Variants in DAB1 observed in about 807,000 individuals in gnomAD.
DAB1 encodes the protein DAB adaptor protein 1.
Under a neutral mutation model 64.6 loss-of-function variants are expected in DAB1, and 15 were observed. The ratio of observed to expected loss-of-function variants is 0.23; its 90% CI spans 0.16 to 0.36. DAB1 has a LOEUF of 0.36. Ranked by LOEUF, DAB1 falls within the 10% of genes least tolerant of loss-of-function variation. The pLI, the probability that DAB1 is intolerant of heterozygous loss-of-function variation, is 1.00. For missense variants in DAB1, 596 were observed against 706.7 expected (o/e 0.84, Z 1.78); for synonymous variants, 235 against 251.9 (o/e 0.93, Z 0.64).
upstream of DAB1, among the ~76,000 whole-genome samples, chr1:57,887,912 G>A (rs1193214187): frequency 6.6e-6 from 1 of 152,180 alleles, no homozygotes; most frequent in African/African-American, 2.4e-5. Context: ...AAATGTGCGG[G>A]TGTCTCAGGA....
intron 2 of DAB1, among the ~76,000 whole-genome samples, chr1:57,227,254 G>A (rs1001576462): frequency 1.3e-5 from 2 of 152,106 alleles, no homozygotes; most frequent in Non-Finnish European, 2.9e-5. Flanking sequence ...GATTTTAAAA[G>A]TATAGACTCA....
At chr1:57,758,407 G>T (rs1020184033) in intron 6 of DAB1, among the ~76,000 whole-genome samples, 1 of 152,190 alleles carries the variant, frequency 6.6e-6, no homozygotes, top group East Asian at 1.9e-4. Context: ...TTGGGGAAAA[G>T]AAGTAGTGAA....
intron 8 of DAB1, among the ~76,000 whole-genome samples, chr1:57,067,619 G>A (rs1205165624): frequency 3.9e-5 from 6 of 152,048 alleles, no homozygotes; most frequent in African/African-American, 9.7e-5. Flanking sequence ...AAGCTAACCT[G>A]CTTCTCTAAA....
At chr1:57,289,853 C>T (rs1251258470) in intron 2 of DAB1, among the ~76,000 whole-genome samples, 1 of 152,012 alleles carries the variant, frequency 6.6e-6, no homozygotes, top group Non-Finnish European at 1.5e-5. Flanking sequence ...GGAGAAAACA[C>T]ACACACACAG....
At chr1:57,455,691 A>C (rs1686562354) in intron 7 of DAB1, among the ~76,000 whole-genome samples, 1 of 152,146 alleles carries the variant, frequency 6.6e-6, no homozygotes, top group African/African-American at 2.4e-5. Flanking sequence ...TGCCGTAGCC[A>C]GCTAAATTGG....
chr1:57,003,557 C>T (rs2100223367), intron 14 of DAB1, among the ~76,000 whole-genome samples: 1 of 152,138 alleles, frequency 6.6e-6, no homozygotes, highest in Admixed American at 6.5e-5. Context: ...TAACCTTTGC[C>T]ATTTTAACCA....
At chr1:58,126,196 G>T (rs1050866376) in intron 5 of DAB1, among the ~76,000 whole-genome samples, 1 of 152,180 alleles carries the variant, frequency 6.6e-6, no homozygotes, top group Non-Finnish European at 1.5e-5. Flanking sequence ...TGGCATGGCT[G>T]CCCTGCTGTA....
intron 7 of DAB1, among the ~76,000 whole-genome samples, chr1:57,592,181 G>A (rs1645453068): frequency 6.6e-6 from 1 of 152,174 alleles, no homozygotes; most frequent in African/African-American, 2.4e-5. Flanking sequence ...AAATGGAAAA[G>A]AAGGACTCTG....
chr1:57,478,807 T>G (rs1332414819), intron 7 of DAB1, among the ~76,000 whole-genome samples: 2 of 151,692 alleles, frequency 1.3e-5, no homozygotes, highest in Non-Finnish European at 2.9e-5. Flanking sequence ...TCACCATGTG[T>G]GCCAGGCTTG....
intron 4 of DAB1, among the ~76,000 whole-genome samples, chr1:58,221,165 T>C (rs1659152045): frequency 6.6e-6 from 1 of 152,056 alleles, no homozygotes. Context: ...TCTTTTCTTT[T>C]TTCTCCAAGT....
intron 7 of DAB1, among the ~76,000 whole-genome samples, chr1:57,602,908 AG>A (rs1000428425): frequency 7.2e-5 from 11 of 152,218 alleles, no homozygotes; most frequent in African/African-American, 2.6e-4. Flanking sequence ...TTCCAAATAG[AG>A]GGGGCATGAG....
At chr1:58,364,157 T>C (rs1569687535) in intron 3 of DAB1, among the ~76,000 whole-genome samples, 1 of 152,188 alleles carries the variant, frequency 6.6e-6, no homozygotes, top group African/African-American at 2.4e-5. Flanking sequence ...TACACTGCTG[T>C]GTCATGCTGG....
intron 7 of DAB1, among the ~76,000 whole-genome samples, chr1:57,548,054 T>C (rs1644875113): frequency 6.6e-6 from 1 of 152,176 alleles, no homozygotes; most frequent in Non-Finnish European, 1.5e-5. Context: ...TCTTCTTATA[T>C]CATTGCCTAT....
intron 2 of DAB1, among the ~76,000 whole-genome samples, chr1:57,219,572 T>C (rs906150653): frequency 2.0e-5 from 3 of 152,206 alleles, no homozygotes; most frequent in African/African-American, 7.2e-5. Flanking sequence ...AAATGGTGGA[T>C]GGTCACCTCC....
intron 6 of DAB1, among the ~76,000 whole-genome samples, chr1:57,741,149 T>C (rs1265489384): frequency 6.6e-6 from 1 of 152,162 alleles, no homozygotes; most frequent in Non-Finnish European, 1.5e-5. Flanking sequence ...TCATGCTGAG[T>C]GCTCCTTGGC....
At chr1:57,331,238 T>C (rs1215269311) in intron 1 of DAB1, among the ~76,000 whole-genome samples, 4 of 152,240 alleles carry the variant, frequency 2.6e-5, no homozygotes, top group Non-Finnish European at 5.9e-5. Flanking sequence ...ACAGCTAACA[T>C]GCAATTGGTG....
intron 4 of DAB1, among the ~76,000 whole-genome samples, chr1:58,174,909 T>C (rs535596277): frequency 6.6e-6 from 1 of 152,220 alleles, no homozygotes; most frequent in African/African-American, 2.4e-5. Context: ...ATCAGCACTC[T>C]GTACAAATGC....
At chr1:57,716,879 A>G (rs967607685) in intron 6 of DAB1, among the ~76,000 whole-genome samples, 6 of 152,302 alleles carry the variant, frequency 3.9e-5, no homozygotes, top group Middle Eastern at 3.4e-3. Flanking sequence ...ACTTCAACTC[A>G]ATAGCCAAAA....
chr1:57,887,671 ACT>A (rs771903558), upstream of DAB1, among the ~76,000 whole-genome samples: 30 of 152,122 alleles, frequency 2.0e-4, no homozygotes, highest in Admixed American at 5.9e-4. Context: ...ACATTAACAG[ACT>A]CTGTTTGCTG....
Sources: allele counts gnomAD v4.1 joint callset (sites outside exome capture counted in the v4.1 genomes callset), GRCh38; gene constraint gnomAD v4.1.1; transcripts MANE v1.5; gene names NCBI Gene and HGNC (gene_info 2026-07-23, HGNC 2026-07-21).